P2RX3: variants seen among roughly 807,000 people sequenced by gnomAD.
P2RX3 encodes P2X purinoceptor 3.
A neutral mutation model predicts 51.5 loss-of-function variants in P2RX3; 41 were observed. The observed-to-expected ratio is 0.80, with a 90% confidence interval of 0.62 to 1.03. The LOEUF (loss-of-function observed/expected upper bound fraction) is 1.03. Among genes scored for constraint, P2RX3 ranks in the 50% least tolerant of loss-of-function variants. The pLI is 0.00. For missense variants in P2RX3, 459 were observed against 522.1 expected (o/e 0.88, Z 1.18); for synonymous variants, 185 against 191.6 (o/e 0.97, Z 0.29).
At chr11:57,357,526 C>T (rs1274672398) in intron 8 of P2RX3, among the ~76,000 whole-genome samples, 1 of 152,066 alleles carries the variant, frequency 6.6e-6, no homozygotes, top group Non-Finnish European at 1.5e-5. Context: ...AAACTGAGGC[C>T]AAAAAGATCC....
At chr11:57,358,700 G>A (rs984139932) in intron 8 of P2RX3, among the ~76,000 whole-genome samples, 2 of 152,170 alleles carry the variant, frequency 1.3e-5, no homozygotes, top group Non-Finnish European at 2.9e-5. Context: ...CTGAGGAAGG[G>A]CTGTGGAAAT....
rs574935135 is a variant in P2RX3, at chr11:57,347,340, G to A, written c.328-75G>A. The A allele has an allele frequency of 4.0e-4, 602 of 1,512,948 alleles. 9 individuals carry two copies. In the South Asian group the frequency reaches 6.8e-3, roughly 17 times the overall value. 93.7% of individuals were successfully genotyped at this position (1,512,948 alleles called of 1,614,324 possible). A position where few individuals can be genotyped will look rare whatever the true frequency, so the allele number is the denominator to read the frequency against. On this transcript the variant is annotated intron_variant, in intron 3 of 11. Transcript: ENST00000263314. ...ACCCTCCTGAGGCTGTTGGTTATGG[G>A]GAGGTCGAGGGAGTCGCGGAGCTCA...
At chr11:57,343,964 G>C (rs1856387396) in intron 1 of P2RX3, among the ~76,000 whole-genome samples, 2 of 152,282 alleles carry the variant, frequency 1.3e-5, no homozygotes, top group African/African-American at 4.8e-5. Context: ...GACGTAATTT[G>C]GCAGATGGGA....
At chr11:57,367,913 C>G in intron 8 of P2RX3, 96 bp from the exon 9 acceptor site, 3 of 927,714 alleles carry the variant, frequency 3.2e-6, no homozygotes, top group Non-Finnish European at 5.2e-6. Context: ...AAGGGTTGCT[C>G]AGTGAGCCAA....
chr11:57,342,456 G>T (rs914826022), intron 1 of P2RX3, among the ~76,000 whole-genome samples: 2 of 151,976 alleles, frequency 1.3e-5, no homozygotes, highest in African/African-American at 2.4e-5. Flanking sequence ...ACCATGCCTG[G>T]CTGGATGCCC....
Position 57,369,975 on chromosome 11 carries a change from G to A in P2RX3, c.1172G>A (p.Gly391Glu). The stretch of plus-strand genomic sequence containing the variant: ...GCGGAGAAGCAGTCCACCGATTCGG[G>A]GGCCTTCTCCATAGGCCACTAGGGC... ...TTAEKQSTDS[G>E]AFSIGH Residue 391 changes from glycine to glutamate, a missense_variant, in exon 12 of 12, where the codon GGG (glycine) becomes GAG (glutamate). Coordinates refer to ENST00000263314, the MANE Select transcript of P2RX3 (RefSeq NM_002559.5). 1 of 1,613,780 alleles carries A rather than the reference G, an allele frequency of 6.2e-7. No individual in the cohort carries two copies. The highest frequency in any genetic ancestry group is 8.5e-7 in the Non-Finnish European group (1 of 1,179,836).
At position 57,371,035 on chromosome 11, in the gene P2RX3, TA is replaced by T. The variant is rs1856877842; in HGVS notation, c.*1041del. Among the ~76,000 whole-genome samples, 1 of 152,256 alleles carries T rather than the reference TA, an allele frequency of 6.6e-6. No homozygotes were observed. The highest frequency in any genetic ancestry group is 6.5e-5 in the Admixed American group (1 of 15,292). ...AAGGTTAGAAGCTAAAGGGGCCTTT[TA>T]AACCATCTTATCTAACCCTCTTGCT... On this transcript the variant is annotated 3_prime_UTR_variant, in exon 12 of 12. Transcript: ENST00000263314.
At chr11:57,351,294 A>T (rs941130579) in intron 8 of P2RX3, among the ~76,000 whole-genome samples, 5 of 152,206 alleles carry the variant, frequency 3.3e-5, no homozygotes, top group African/African-American at 1.2e-4. Flanking sequence ...TTCTCGCTCT[A>T]CAAAGTAAGG....
In P2RX3 at chr11:57,372,125, G is replaced by A. The variant is rs901866159; in HGVS notation, c.*2128G>A. 3.9e-5 allele frequency among the ~76,000 whole-genome samples: 6 copies of A among 152,192 alleles called. No individual in the cohort carries two copies. Among genetic ancestry groups the A allele is most frequent in the African/African-American group, 1.4e-4 (6 of 41,440 alleles). On this transcript the variant is annotated 3_prime_UTR_variant, in exon 12 of 12. Coordinates refer to ENST00000263314, the MANE Select transcript of P2RX3 (RefSeq NM_002559.5). ...GCACAATCACCAACATAATCACATG[G>A]ACCCTCACACCAACGCTGGTGAGTC...
intron 1 of P2RX3, among the ~76,000 whole-genome samples, chr11:57,340,932 T>C (rs1856328028): frequency 6.6e-6 from 1 of 152,106 alleles, no homozygotes; most frequent in Non-Finnish European, 1.5e-5. Flanking sequence ...AAGAAGGTCA[T>C]TGTGGCTGGA....
rs1190767773 is a variant in P2RX3 at position 57,360,628 on chromosome 11, T to G, written c.843-7381T>G. Among the ~76,000 whole-genome samples the G allele has an allele frequency of 2.7e-5, 4 of 150,362 alleles. No individual in the cohort carries two copies. The East Asian group carries it at 7.8e-4, about 29-fold the overall frequency. ...CAACATGGTGAACCCCTGTCTCTAC[T>G]AAAAAAAATACAAAAAATTAGCTGG... On this transcript the variant is annotated intron_variant, in intron 8 of 11. Coordinates refer to ENST00000263314, the MANE Select transcript of P2RX3 (RefSeq NM_002559.5).
chr11:57,346,501 A>G (rs201993200), intron 1 of P2RX3, 43 bp from the exon 2 acceptor site: 7 of 1,606,492 alleles, frequency 4.4e-6, no homozygotes, highest in Admixed American at 1.7e-5. Flanking sequence ...TGCTGGGTCT[A>G]TGGACTCCTC....
intron 1 of P2RX3, among the ~76,000 whole-genome samples, chr11:57,344,824 C>T (rs1856403044): frequency 6.6e-6 from 1 of 152,206 alleles, no homozygotes; most frequent in Non-Finnish European, 1.5e-5. Flanking sequence ...GAAAACCGAA[C>T]GAAGAGCCAC....
At chr11:57,353,224 G>T (rs984078030) in intron 8 of P2RX3, among the ~76,000 whole-genome samples, 1 of 152,196 alleles carries the variant, frequency 6.6e-6, no homozygotes, top group Non-Finnish European at 1.5e-5. Flanking sequence ...TAAGATGTAC[G>T]CTGTTTTTTA....
chr11:57,336,055 A>G (rs1455527765), upstream of P2RX3, among the ~76,000 whole-genome samples: 1 of 152,212 alleles, frequency 6.6e-6, no homozygotes, highest in Admixed American at 6.5e-5. Flanking sequence ...TAGAAACTAC[A>G]GACACTTCTT....
At chr11:57,349,495 G>A (rs1050561854) in intron 6 of P2RX3, among the ~76,000 whole-genome samples, 2 of 151,930 alleles carry the variant, frequency 1.3e-5, no homozygotes, top group Non-Finnish European at 2.9e-5. Context: ...GAGTAACCAA[G>A]AATGATTCCT....
intron 8 of P2RX3, among the ~76,000 whole-genome samples, chr11:57,365,362 C>G (rs1271835205): frequency 6.6e-6 from 1 of 152,232 alleles, no homozygotes; most frequent in Non-Finnish European, 1.5e-5. Context: ...AGGGGAGGAG[C>G]AATTCCCAGA....
Position 57,360,979 on chromosome 11 carries a change from T to C in P2RX3, c.843-7030T>C, listed in dbSNP as rs549885424. ...CAGCTCATGCCCCTGGTTTGTAGCA[T>C]TGGCTGGATTTCTGTGAGGTAAATA... On this transcript the variant is annotated intron_variant, in intron 8 of 11. Transcript: ENST00000263314. Among the ~76,000 whole-genome samples the C allele has an allele frequency of 6.6e-5, 10 of 152,212 alleles. No individual in the cohort carries two copies. The South Asian group carries it at 1.7e-3, about 25-fold the overall frequency.
At chr11:57,338,956 G>A (rs934888390) in intron 1 of P2RX3, among the ~76,000 whole-genome samples, 1 of 152,134 alleles carries the variant, frequency 6.6e-6, no homozygotes, top group African/African-American at 2.4e-5. Flanking sequence ...CTCCACCGAG[G>A]GAGGGCTCAG....
Sources: allele counts gnomAD v4.1 joint callset (sites outside exome capture counted in the v4.1 genomes callset), GRCh38; gene constraint gnomAD v4.1.1; transcripts MANE v1.5; gene names NCBI Gene and HGNC (gene_info 2026-07-23, HGNC 2026-07-21).